KLHL2: variants seen among roughly 807,000 people sequenced by gnomAD.
KLHL2 encodes the protein kelch-like protein 2.
Under a neutral mutation model 75.8 loss-of-function variants are expected in KLHL2, and 15 were observed. The observed-to-expected ratio is 0.20, with a 90% CI of 0.13 to 0.30. KLHL2 has a LOEUF of 0.30. Ranked by LOEUF, KLHL2 falls within the 10% of genes least tolerant of loss-of-function variation. The probability of loss-of-function intolerance (pLI) is 1.00; values close to 1 mark genes in which losing one functional copy is unlikely to be tolerated. For synonymous variants in KLHL2, 214 were observed against 251.9 expected, an observed-to-expected ratio of 0.85 and a Z score of 1.42; for missense variants, 381 against 741.0, an observed-to-expected ratio of 0.51 and a Z score of 5.64.
At chr4:165,313,620 GT>G (rs1289193578) in intron 12 of KLHL2, among the ~76,000 whole-genome samples, 1 of 152,002 alleles carries the variant, frequency 6.6e-6, no homozygotes, top group Non-Finnish European at 1.5e-5. Context: ...ACTCCTTTTA[GT>G]TTTTTGTTTT....
intron 5 of KLHL2, among the ~76,000 whole-genome samples, chr4:165,266,068 C>T (rs1230302008): frequency 6.6e-6 from 1 of 152,182 alleles, no homozygotes; most frequent in Non-Finnish European, 1.5e-5. Context: ...TCTCTGATGA[C>T]CAGTGATCAT....
At chr4:165,285,763 A>G (rs1417095667) in intron 5 of KLHL2, among the ~76,000 whole-genome samples, 1 of 132,876 alleles carries the variant, frequency 7.5e-6, no homozygotes, top group Non-Finnish European at 1.6e-5. Flanking sequence ...TTACGGTGGT[A>G]AATTTTATGT....
At chr4:165,210,073 C>T in intron 1 of KLHL2, 1 of 1,551,320 alleles carries the variant, frequency 6.4e-7, no homozygotes, top group East Asian at 2.4e-5. Flanking sequence ...GAAGACTCAG[C>T]TTTTCATGAA....
intron 5 of KLHL2, among the ~76,000 whole-genome samples, chr4:165,280,523 T>C (rs755538585): frequency 6.6e-6 from 1 of 152,234 alleles, no homozygotes; most frequent in Non-Finnish European, 1.5e-5. Context: ...TTGCTAGCCT[T>C]AGCCATGGGA....
chr4:165,220,976 T>A (rs1737942738), intron 2 of KLHL2, among the ~76,000 whole-genome samples: 1 of 152,238 alleles, frequency 6.6e-6, no homozygotes, highest in Non-Finnish European at 1.5e-5. Flanking sequence ...ATTCCGTTTG[T>A]GAAAGTACTC....
intron 5 of KLHL2, among the ~76,000 whole-genome samples, chr4:165,284,146 A>G (rs987322736): frequency 6.6e-6 from 1 of 152,164 alleles, no homozygotes; most frequent in African/African-American, 2.4e-5. Context: ...CATGCCCTGG[A>G]GACATTTTCC....
At chr4:165,238,105 C>T (rs1215984104) in intron 3 of KLHL2, among the ~76,000 whole-genome samples, 1 of 152,184 alleles carries the variant, frequency 6.6e-6, no homozygotes, top group Non-Finnish European at 1.5e-5. Flanking sequence ...ATGACTTCAG[C>T]GTGAAGTTGC....
At position 165,231,592 on chromosome 4, in the gene KLHL2, G is replaced by C. The variant is rs370682799; in HGVS notation, c.259+2679G>C. ...CGTGTCATAAATGTTTCAAAGGAAGGTTTGCTGTTCTTATTGCTAAATAGC... is the reference window on the plus strand; with the variant it reads ...CGTGTCATAAATGTTTCAAAGGAAGCTTTGCTGTTCTTATTGCTAAATAGC... On this transcript the variant is annotated intron_variant, in intron 3 of 14. Transcript: ENST00000226725. 2.6e-5 allele frequency among the ~76,000 whole-genome samples: 4 copies of C among 152,264 alleles called. No homozygotes were observed. In the East Asian group the frequency reaches 7.7e-4, roughly 29 times the overall value.
chr4:165,277,722 G>A, intron 5 of KLHL2: 1 of 562,284 alleles, frequency 1.8e-6, no homozygotes. Context: ...AAGGTAGCTG[G>A]CCCAACCTTA....
At chr4:165,303,801 C>T (rs1055664371) in intron 8 of KLHL2, among the ~76,000 whole-genome samples, 5 of 152,072 alleles carry the variant, frequency 3.3e-5, no homozygotes, top group East Asian at 1.9e-4. Flanking sequence ...GATCTCAAAG[C>T]GATCCAACCG....
At chr4:165,230,823 T>G (rs1738825817) in intron 3 of KLHL2, among the ~76,000 whole-genome samples, 1 of 152,262 alleles carries the variant, frequency 6.6e-6, no homozygotes, top group Non-Finnish European at 1.5e-5. Flanking sequence ...CTCTTCTGTT[T>G]TTGTCTAATG....
chr4:165,267,728 G>A (rs187229396), intron 5 of KLHL2, among the ~76,000 whole-genome samples: 1,713 of 152,146 alleles, frequency 0.011, 26 homozygotes, highest in African/African-American at 0.037. Flanking sequence ...ATTTTATTGA[G>A]GATTTTTGCA....
intron 5 of KLHL2, among the ~76,000 whole-genome samples, chr4:165,290,844 G>C (rs1385199485): frequency 6.6e-6 from 1 of 152,160 alleles, no homozygotes; most frequent in East Asian, 1.9e-4. Flanking sequence ...GCAGGTGCCT[G>C]TAATCCCAGC....
At position 165,207,997 on chromosome 4, in the gene KLHL2, C is replaced by G. The variant is rs1736944133; in HGVS notation, c.26+95C>G. 2 of 868,152 alleles carry G rather than the reference C, an allele frequency of 2.3e-6. No individual in the cohort carries two copies. Among genetic ancestry groups the G allele is most frequent in the Non-Finnish European group, 1.5e-6 (1 of 668,774 alleles). The allele number at this position is 868,152 out of a possible 1,614,324, so 53.8% of individuals were successfully genotyped here. Reference sequence around the variant, plus strand: ...CGGGCGCAGCTCTGGGGACAGCCGCCGGGGCCGGCGGGAGGTGGGAGATGC... The same window carrying G: ...CGGGCGCAGCTCTGGGGACAGCCGCGGGGGCCGGCGGGAGGTGGGAGATGC... On this transcript the variant is annotated intron_variant, in intron 1 of 14. Transcript: ENST00000226725. The surrounding 1 kb of genome is among the most constrained non-coding windows in gnomAD (Gnocchi z 4.2).
chr4:165,321,270 G>A (rs1451887876), intron 14 of KLHL2: 2 of 455,814 alleles, frequency 4.4e-6, no homozygotes, highest in Non-Finnish European at 8.8e-6. Flanking sequence ...TGCCACCCCT[G>A]AAACAACAAG....
chr4:165,233,879 A>C (rs1009188728), intron 3 of KLHL2, among the ~76,000 whole-genome samples: 3 of 152,240 alleles, frequency 2.0e-5, no homozygotes, highest in Admixed American at 2.0e-4. Flanking sequence ...TGGTTTAAAT[A>C]CTAAGAAAGC....
At chr4:165,276,739 A>G (rs1743146945) in intron 5 of KLHL2, among the ~76,000 whole-genome samples, 2 of 152,130 alleles carry the variant, frequency 1.3e-5, no homozygotes, top group Admixed American at 1.3e-4. Context: ...CTTATTCACA[A>G]TTGATAACAT....
intron 14 of KLHL2, among the ~76,000 whole-genome samples, chr4:165,320,707 A>C (rs1255742604): frequency 6.6e-6 from 1 of 152,212 alleles, no homozygotes; most frequent in African/African-American, 2.4e-5. Flanking sequence ...GAAAGTCATC[A>C]AACCCAAAAC....
chr4:165,230,376 T>C (rs1394206718), intron 3 of KLHL2, among the ~76,000 whole-genome samples: 1 of 152,200 alleles, frequency 6.6e-6, no homozygotes, highest in Non-Finnish European at 1.5e-5. Flanking sequence ...GGAATAATAA[T>C]ATTACCCACA....
Sources: gnomAD v4.1 joint callset for allele counts (sites outside exome capture counted in the v4.1 genomes callset) on GRCh38, gnomAD v4.1.1 for gene constraint, Gnocchi (gnomAD v3.1) non-coding constraint, MANE v1.5 for transcripts, NCBI Gene and HGNC (gene_info 2026-07-23, HGNC 2026-07-21) for gene names.